REXO1: variants seen among roughly 807,000 people sequenced by gnomAD.
REXO1 encodes the protein REX1, RNA exonuclease 1 homolog.
A neutral mutation model predicts 102.6 loss-of-function variants in REXO1; 42 were observed. The observed-to-expected ratio is 0.41, with a 90% CI of 0.32 to 0.53. The LOEUF is 0.53. REXO1 is among the 20% of genes least tolerant of loss of function. REXO1 has a pLI of 0.27. For missense variants in REXO1, 1,819 were observed against 1,732.5 expected (o/e 1.05, Z -0.89); for synonymous variants, 908 against 779.1 (o/e 1.17, Z -2.76).
chr19:1,839,832 G>C (rs766531472), intron 1 of REXO1, among the ~76,000 whole-genome samples: 2 of 152,236 alleles, frequency 1.3e-5, no homozygotes, highest in Non-Finnish European at 2.9e-5. Flanking sequence ...GAGGTGGAAG[G>C]CATGGTGGAG....
rs2011662750 is a variant in REXO1, at chr19:1,848,407, G to A, written c.-49C>T. On this transcript the variant is annotated 5_prime_UTR_variant, in exon 1 of 16. Transcript: ENST00000170168. ...GGCCCGGAGCCGCCCGGGCCCCAGG[G>A]CCCCCTCACTGGCGCCGCGGTCGCC... 3.4e-6 allele frequency: 4 copies of A among 1,164,154 alleles called. No individual in the cohort carries two copies. Among genetic ancestry groups the A allele is most frequent in the South Asian group, 4.2e-5 (1 of 23,686 alleles). 72.1% of individuals were successfully genotyped at this position (1,164,154 alleles called of 1,614,324 possible).
rs532265421 is a variant in REXO1 at position 1,844,927 on chromosome 19, G to A, written c.157+3275C>T. Among the ~76,000 whole-genome samples the A allele has an allele frequency of 4.6e-5, 7 of 152,296 alleles. No individual in the cohort carries two copies. The South Asian group carries it at 1.5e-3, about 32-fold the overall frequency. ...GGGAGCACGTTCCTGCCGGAGCTGT[G>A]AAGCCCTGAGCTGGGGCCCACCGCA... is the stretch of plus-strand genomic sequence containing the variant. On this transcript the variant is annotated intron_variant, in intron 1 of 15. Transcript: ENST00000170168.
At position 1,820,542 on chromosome 19, in the gene REXO1, C is replaced by T. The variant is rs183024717; in HGVS notation, c.2395-147G>A. 1.3e-4 allele frequency: 119 copies of T among 889,556 alleles called. No individual in the cohort carries two copies. The African/African-American group carries it at 1.8e-3, about 13-fold the overall frequency. The allele number at this position is 889,556 out of a possible 1,614,324, so 55.1% of individuals were successfully genotyped here. A position where few individuals can be genotyped will look rare whatever the true frequency, so the allele number is the denominator to read the frequency against. On this transcript the variant is annotated intron_variant, in intron 5 of 15. Coordinates refer to ENST00000170168, the MANE Select transcript of REXO1 (RefSeq NM_020695.4). ...AGCCTGGCTGCAGTAGGGACAGACA[C>T]GCCAAGGCAAGACAGGAGCAGCAGG...
intron 1 of REXO1, among the ~76,000 whole-genome samples, chr19:1,840,114 G>A (rs1057321754): frequency 1.3e-5 from 2 of 152,170 alleles, no homozygotes; most frequent in South Asian, 2.1e-4. Context: ...GCCACAGGGC[G>A]GGGATACGCC....
At chr19:1,821,003 A>C (rs2069517905) in intron 5 of REXO1, among the ~76,000 whole-genome samples, 5 of 150,592 alleles carry the variant, frequency 3.3e-5, no homozygotes, top group Admixed American at 2.6e-4. Context: ...TCTAAACAAA[A>C]AAAAAAAACA....
At position 1,815,517 on chromosome 19, in the gene REXO1, T is replaced by G. The variant is rs1255849080; in HGVS notation, c.*549A>C. ...GCACAGAGGCGGGTCCAGCCCACAC[T>G]GCGCTGAGTGTGGCCCTGGCCCCCA... On this transcript the variant is annotated 3_prime_UTR_variant, in exon 16 of 16. Transcript: ENST00000170168. This position sits in a 1 kb window ranked among gnomAD's most constrained non-coding sequence, Gnocchi z 4.0. The G allele has an allele frequency of 3.3e-6, 1 of 303,474 alleles. No individual in the cohort carries two copies. Among genetic ancestry groups the G allele is most frequent in the Non-Finnish European group, 5.4e-6 (1 of 184,524 alleles). 18.8% of individuals were successfully genotyped at this position (303,474 alleles called of 1,614,324 possible). A position where few individuals can be genotyped will look rare whatever the true frequency, so the allele number is the denominator to read the frequency against.
chr19:1,818,445 A>C, intron 10 of REXO1, 37 bp downstream of exon 10: 1 of 1,502,500 alleles, frequency 6.7e-7, no homozygotes, highest in Non-Finnish European at 9.1e-7. Context: ...TCCGGGGGCC[A>C]TGGGTGGGAA....
In REXO1 at chr19:1,827,248, C is replaced by T; in HGVS notation, c.1541G>A (p.Arg514Gln). 1.3e-6 allele frequency: 2 copies of T among 1,554,986 alleles called. No homozygotes were observed. Among genetic ancestry groups the T allele is most frequent in the South Asian group, 1.2e-5 (1 of 85,622 alleles). ...ASQDAPKLKK[R>Q]ALSHADLFGD... ...AAAGAGGTCGGCGTGGCTCAGGGCC[C>T]GCTTCTTCAGCTTGGGGGCGTCCTG... The change falls in exon 2 of 16, where the codon CGG becomes CAG. Residue 514 changes from arginine to glutamine, a missense_variant. Arg to Gln is a conservative substitution (Grantham distance 43, BLOSUM62 1). Coordinates refer to ENST00000170168, the MANE Select transcript of REXO1 (RefSeq NM_020695.4).
chr19:1,817,117 G>A (rs1739078396), intron 12 of REXO1, 102 bp downstream of exon 12: 4 of 1,391,876 alleles, frequency 2.9e-6, no homozygotes, highest in Admixed American at 2.2e-5. Context: ...AACCCTGAGC[G>A]CTGGCCGGTG....
rs368062875 is a variant in REXO1, at chr19:1,817,301, C to G, written c.3119G>C (p.Arg1040Pro). Reference protein sequence around the residue: ...KQHVQDGRKERLEGFVKTFEK... With the variant: ...KQHVQDGRKEPLEGFVKTFEK... ...AAAGGTCTTCACGAAGCCCTCAAGG[C>G]GCTCCTTCCGGCCATCCTGCACGTG... Residue 1040 changes from arginine to proline, a missense_variant, in exon 12 of 16, where the codon CGC (arginine) becomes CCC (proline). Transcript: ENST00000170168. 6.2e-7 allele frequency: 1 copy of G among 1,612,938 alleles called. No homozygotes were observed. The highest frequency in any genetic ancestry group is 2.2e-5 in the East Asian group (1 of 44,888).
intron 1 of REXO1, among the ~76,000 whole-genome samples, chr19:1,844,384 T>C (rs1371252638): frequency 6.6e-6 from 1 of 152,178 alleles, no homozygotes; most frequent in Admixed American, 6.5e-5. Context: ...CCAGAGCCCA[T>C]GTGAGGGGCC....
In REXO1 at chr19:1,820,272, T is replaced by C. The variant is rs1335022451; in HGVS notation, c.2518A>G (p.Ile840Val). The change falls in exon 6 of 16, where the codon ATA becomes GTA. Residue 840 changes from isoleucine (I) to valine (V), a missense_variant. Transcript: ENST00000170168. Reference protein sequence around the residue: ...LKFCTSNQEAIEKALNEEKVA... With the variant: ...LKFCTSNQEAVEKALNEEKVA... ...GAACTCCAGGACCTCACCTTCTCTATGGCCTCCTGGTTGGAGGTACAGAAC... is the reference window on the plus strand; with the variant it reads ...GAACTCCAGGACCTCACCTTCTCTACGGCCTCCTGGTTGGAGGTACAGAAC... The C allele has an allele frequency of 3.1e-6, 5 of 1,613,038 alleles. No individual in the cohort carries two copies. The highest frequency in any genetic ancestry group is 4.2e-6 in the Non-Finnish European group (5 of 1,179,578).
intron 1 of REXO1, among the ~76,000 whole-genome samples, chr19:1,840,656 T>C (rs960580414): frequency 6.7e-6 from 1 of 149,924 alleles, no homozygotes; most frequent in African/African-American, 2.5e-5. Flanking sequence ...CAACTCTGAG[T>C]GACACCCGGG....
chr19:1,828,713 C>G (rs2069822091), intron 1 of REXO1, 82 bp from the exon 2 acceptor site: 1 of 1,454,186 alleles, frequency 6.9e-7, no homozygotes, highest in Admixed American at 2.3e-5. Context: ...TCTCAAACTG[C>G]AGGGAAGGGA....
At chr19:1,820,116 C>A in intron 6 of REXO1, 59 bp from the exon 7 acceptor site, 1 of 1,574,310 alleles carries the variant, frequency 6.4e-7, no homozygotes, top group Non-Finnish European at 8.6e-7. Flanking sequence ...GGAGCCCCAG[C>A]GGTGGGGTCG....
In REXO1 at chr19:1,828,615, G is replaced by C. The variant is rs747400968; in HGVS notation, c.174C>G (p.Pro58=). 102 of 1,600,608 alleles carry C rather than the reference G, an allele frequency of 6.4e-5. No individual in the cohort carries two copies. In the East Asian group the frequency reaches 2.3e-3, roughly 35 times the overall value. The change falls in exon 2 of 16, where the codon CCC becomes CCG. Residue 58 remains proline, a synonymous_variant. Transcript: ENST00000170168. The stretch of plus-strand genomic sequence containing the variant: ...GGGGCTTGGGCAGCTCAGGGTTGTA[G>C]GGGTCGTAACCCAGCCCTGAAGGGA... ...APPAAGLGYD[P]YNPELPKPPA...
rs888968438 is a variant in REXO1, at chr19:1,848,214, G to A, written c.145C>T (p.Pro49Ser). 4.9e-6 allele frequency: 6 copies of A among 1,222,240 alleles called. No homozygotes were observed. In the South Asian group the frequency reaches 2.0e-4, roughly 41 times the overall value. 75.7% of individuals were successfully genotyped at this position (1,222,240 alleles called of 1,614,324 possible). Residue 49 changes from proline to serine, a missense_variant, in exon 1 of 16, where the codon CCC (proline) becomes TCC (serine). Pro to Ser is a moderately conservative substitution (Grantham distance 74). Transcript: ENST00000170168. ...GGGCGGGCATTACCTGCTGCGGGGG[G>A]CGCCTCTCCGCCGTCACCGGGCGCG... is the stretch of plus-strand genomic sequence containing the variant. ...SGAPGDGGEA[P>S]PAAGLGYDPY...
chr19:1,846,355 C>G (rs2011539408), intron 1 of REXO1, among the ~76,000 whole-genome samples: 1 of 152,116 alleles, frequency 6.6e-6, no homozygotes, highest in Non-Finnish European at 1.5e-5. Context: ...CTGCCTTCTG[C>G]GGGGGGAGGC....
At chr19:1,822,125 G>A (rs2069563461) in intron 4 of REXO1, 1 of 404,484 alleles carries the variant, frequency 2.5e-6, no homozygotes, top group Non-Finnish European at 4.3e-6. Context: ...GGCCAGGCCT[G>A]CAGGGGCTGC....
Sources: allele counts gnomAD v4.1 joint callset (sites outside exome capture counted in the v4.1 genomes callset), GRCh38; gene constraint gnomAD v4.1.1; non-coding constraint Gnocchi (gnomAD v3.1); transcripts MANE v1.5; gene names NCBI Gene and HGNC (gene_info 2026-07-23, HGNC 2026-07-21).